PRPF8: variants seen among roughly 807,000 people sequenced by gnomAD.
PRPF8 encodes the protein pre-mRNA-processing-splicing factor 8.
A neutral mutation model predicts 285.9 loss-of-function variants in PRPF8; 64 were observed. That is an observed-to-expected ratio of 0.22 (90% confidence interval 0.18 to 0.28). PRPF8 has a LOEUF of 0.28. Ranked by LOEUF, PRPF8 falls within the 10% of genes least tolerant of loss-of-function variation. PRPF8 has a pLI of 1.00. For synonymous variants in PRPF8, 1,325 were observed against 1,118.2 expected (o/e 1.18, Z -3.69); for missense variants, 1,426 against 3,026.7 (o/e 0.47, Z 12.41).
At position 1,652,524 on chromosome 17, in the gene PRPF8, C is replaced by A. The variant is rs536606766; in HGVS notation, c.6370-736G>T. Among the ~76,000 whole-genome samples, 178 of 152,178 alleles carry A rather than the reference C, an allele frequency of 1.2e-3. 1 individual carries two copies. Among genetic ancestry groups the A allele is most frequent in the Non-Finnish European group, 4.9e-4 (33 of 68,016 alleles). On this transcript the variant is annotated intron_variant, in intron 39 of 42. Transcript: ENST00000304992. ...ATGATGTTTTATAAACTATAATATC[C>A]CTGATACACTAGTAAAGTTATGCAT...
intron 14 of PRPF8, 64 bp from the exon 15 acceptor site, chr17:1,677,236 C>T: frequency 1.4e-6 from 2 of 1,426,276 alleles, no homozygotes; most frequent in South Asian, 1.1e-5. Flanking sequence ...AGGGTCTCTA[C>T]CTTCATGCTC....
At position 1,678,894 on chromosome 17, in the gene PRPF8, C is replaced by T; in HGVS notation, c.1600-13G>A. On this transcript the variant is annotated splice_polypyrimidine_tract_variant and intron_variant, in intron 11 of 42. Coordinates refer to ENST00000304992, the MANE Select transcript of PRPF8 (RefSeq NM_006445.4). ...ATTTCTTTCTTTCCTGGAGAAGATG[C>T]AAAAAACAGACAGAACGTGAATGAG... The T allele has an allele frequency of 6.2e-7, 1 of 1,613,938 alleles. No homozygotes were observed. The highest frequency in any genetic ancestry group is 8.5e-7 in the Non-Finnish European group (1 of 1,179,994).
intron 39 of PRPF8, chr17:1,652,975 C>T (rs1911163932): frequency 5.6e-6 from 1 of 178,290 alleles, no homozygotes; most frequent in African/African-American, 2.4e-5. Flanking sequence ...GCTCTGTTGC[C>T]CAGGCTGGAG....
At position 1,682,394 on chromosome 17, in the gene PRPF8, T is replaced by C. The variant is rs373319352; in HGVS notation, c.270-101A>G. ...ATGTTCATGTTCCACAGTCCTACCT[T>C]ACAATCCAAACTCCCAAACTTAGCC... On this transcript the variant is annotated intron_variant, in intron 3 of 42. Coordinates refer to ENST00000304992, the MANE Select transcript of PRPF8 (RefSeq NM_006445.4). The C allele has an allele frequency of 3.4e-6, 5 of 1,467,684 alleles. No individual in the cohort carries two copies. The East Asian group carries it at 1.1e-4, about 33-fold the overall frequency. 90.9% of individuals were successfully genotyped at this position (1,467,684 alleles called of 1,614,324 possible).
intron 37 of PRPF8, chr17:1,654,221 G>A (rs576182705): frequency 3.4e-5 from 24 of 712,494 alleles, no homozygotes; most frequent in African/African-American, 1.6e-4. Flanking sequence ...AGCACACTGC[G>A]TGTGCACCTT....
chr17:1,654,205 CG>C (rs1894284060), intron 37 of PRPF8, 189 bp from the exon 38 acceptor site: 1 of 804,054 alleles, frequency 1.2e-6, no homozygotes, highest in Admixed American at 2.0e-5. Flanking sequence ...CAGATCCAAG[CG>C]GGACAGCACA....
chr17:1,656,278 TC>T (rs1365172553), intron 36 of PRPF8, 113 bp downstream of exon 36: 58 of 1,319,194 alleles, frequency 4.4e-5, no homozygotes, highest in Non-Finnish European at 5.6e-5. Flanking sequence ...TCAACAGAGT[TC>T]CCACCCAATC....
chr17:1,677,785 A>T, intron 13 of PRPF8, 91 bp from the exon 14 acceptor site: 9 of 1,492,484 alleles, frequency 6.0e-6, no homozygotes, highest in Non-Finnish European at 8.4e-6. Flanking sequence ...TATATGTATA[A>T]TATACATACA....
rs544664063 is a variant in PRPF8 at position 1,669,385 on chromosome 17, G to A, written c.3774+3696C>T. Among the ~76,000 whole-genome samples the A allele has an allele frequency of 1.1e-4, 17 of 152,318 alleles. No individual in the cohort carries two copies. The East Asian group carries it at 1.2e-3, about 10-fold the overall frequency. ...CTCCCAAAGTGCTGGGATTACGGGC[G>A]TGAGCCACTGTGTCCAGCCAATTCC... is the stretch of plus-strand genomic sequence containing the variant. On this transcript the variant is annotated intron_variant, in intron 24 of 42. Transcript: ENST00000304992.
rs751181746 is a variant in PRPF8 at position 1,678,820 on chromosome 17, G to C, written c.1661C>G (p.Thr554Ser). ...CACGTGACTATCCACCACCAGCTTA[G>C]TCAAACGCAGAACTTCCCGACACAG... ...FHLCREVLRL[T>S]KLVVDSHVQY... The change falls in exon 12 of 43, where the codon ACT becomes AGT. Residue 554 changes from threonine to serine, a missense_variant. Thr to Ser is a moderately conservative substitution (Grantham distance 58). Transcript: ENST00000304992. 1 of 1,614,154 alleles carries C rather than the reference G, an allele frequency of 6.2e-7. No individual in the cohort carries two copies. Among genetic ancestry groups the C allele is most frequent in the Non-Finnish European group, 8.5e-7 (1 of 1,180,042 alleles).
intron 39 of PRPF8, among the ~76,000 whole-genome samples, chr17:1,652,463 T>C (rs1188802482): frequency 6.6e-6 from 1 of 152,220 alleles, no homozygotes; most frequent in Non-Finnish European, 1.5e-5. Flanking sequence ...GGTCTTGAAC[T>C]CCTGACCTCA....
rs745523335 is a variant in PRPF8 at position 1,675,305 on chromosome 17, A to G, written c.2907T>C (p.Ser969=). Residue 969 remains serine (S), a synonymous_variant, in exon 20 of 43, where the codon AGT becomes AGC. Coordinates refer to ENST00000304992, the MANE Select transcript of PRPF8 (RefSeq NM_006445.4). This position sits in a 1 kb window ranked among gnomAD's most constrained non-coding sequence, Gnocchi z 6.0. ...CCAGCATGACATTGCACTCGCCTTC[A>G]CTCGTCTCCCACACGTCCTGCAGGT... The part of the protein sequence containing the change: ...INNLQDVWET[S]EGECNVMLES... 3.1e-6 allele frequency: 5 copies of G among 1,614,014 alleles called. No homozygotes were observed. The Admixed American group carries it at 6.7e-5, about 22-fold the overall frequency.
chr17:1,661,893 AACCAGGCTGT>A lies in PRPF8; in HGVS notation c.4022+3_4022+12del. On this transcript the variant is annotated splice_donor_5th_base_variant and intron_variant, in intron 25 of 42. Coordinates refer to ENST00000304992, the MANE Select transcript of PRPF8 (RefSeq NM_006445.4). The surrounding 1 kb of genome is among the most constrained non-coding windows in gnomAD (Gnocchi z 7.3). ...AGCAATAGGGTTTAGAAATACGTTG[AACCAGGCTGT>A]ACCTGAGGTCGGATTGGGGGATGAG... 1 of 1,614,230 alleles carries A rather than the reference AACCAGGCTGT, an allele frequency of 6.2e-7. No homozygotes were observed.
chr17:1,661,875 G>T lies in PRPF8; in HGVS notation c.4022+31C>A. 6.2e-7 allele frequency: 1 copy of T among 1,614,174 alleles called. No homozygotes were observed. Among genetic ancestry groups the T allele is most frequent in the South Asian group, 1.1e-5 (1 of 91,084 alleles). ...CACTTCCCTTAGGGCCTGAGCAATA[G>T]GGTTTAGAAATACGTTGAACCAGGC... On this transcript the variant is annotated intron_variant, in intron 25 of 42. Coordinates refer to ENST00000304992, the MANE Select transcript of PRPF8 (RefSeq NM_006445.4). This position sits in a 1 kb window ranked among gnomAD's most constrained non-coding sequence, Gnocchi z 7.3.
Position 1,679,845 on chromosome 17 carries a change from C to T in PRPF8, c.1099-46G>A, listed in dbSNP as rs1353430923. ...AGGGTTTAGCTCCTGCTGAACTAGG[C>T]ACAGACTTAAGATGAGGGAAATTCT... On this transcript the variant is annotated intron_variant, in intron 8 of 42. Coordinates refer to ENST00000304992, the MANE Select transcript of PRPF8 (RefSeq NM_006445.4). The surrounding 1 kb of genome is among the most constrained non-coding windows in gnomAD (Gnocchi z 4.7). 1 of 1,601,780 alleles carries T rather than the reference C, an allele frequency of 6.2e-7. No homozygotes were observed. The highest frequency in any genetic ancestry group is 8.6e-7 in the Non-Finnish European group (1 of 1,168,678).
chr17:1,682,062 C>T, intron 4 of PRPF8, 24 bp from the exon 5 acceptor site: 2 of 1,613,772 alleles, frequency 1.2e-6, no homozygotes, highest in African/African-American at 1.3e-5. Flanking sequence ...CATCACACAA[C>T]CATTTCTACC....
chr17:1,659,609 C>T lies in PRPF8; in HGVS notation c.4947-61G>A. On this transcript the variant is annotated intron_variant, in intron 31 of 42. Transcript: ENST00000304992. This position sits in a 1 kb window ranked among gnomAD's most constrained non-coding sequence, Gnocchi z 5.1. ...ATGGGCATAACCAATGTCCCCAGAACCAGAACCACTTAAATCCCAAAACCA... is the reference window on the plus strand; with the variant it reads ...ATGGGCATAACCAATGTCCCCAGAATCAGAACCACTTAAATCCCAAAACCA... The T allele has an allele frequency of 6.3e-7, 1 of 1,593,714 alleles. No individual in the cohort carries two copies. The highest frequency in any genetic ancestry group is 1.3e-5 in the African/African-American group (1 of 74,644).
rs1163970897 is a variant in PRPF8, at chr17:1,676,619, T to C, written c.2274A>G (p.Arg758=). 1 of 1,614,204 alleles carries C rather than the reference T, an allele frequency of 6.2e-7. No individual in the cohort carries two copies. Among genetic ancestry groups the C allele is most frequent in the Admixed American group, 1.7e-5 (1 of 60,036 alleles). Residue 758 remains arginine, a synonymous_variant, in exon 16 of 43, where the codon CGA becomes CGG. Coordinates refer to ENST00000304992, the MANE Select transcript of PRPF8 (RefSeq NM_006445.4). The surrounding 1 kb of genome is among the most constrained non-coding windows in gnomAD (Gnocchi z 6.3). The part of the protein sequence containing the change: ...DWWTNTAHYN[R]ERIRRGATVD... ...CAGTGGCCCCTCGGCGGATCCGTTC[T>C]CGGTTGTAGTGGGCAGTGTTGGTCC...
At chr17:1,666,298 C>T (rs1015361503) in intron 24 of PRPF8, among the ~76,000 whole-genome samples, 1 of 152,016 alleles carries the variant, frequency 6.6e-6, no homozygotes, top group Non-Finnish European at 1.5e-5. Context: ...ACCTACAATC[C>T]CAGCACTTTG....
Sources: allele counts gnomAD v4.1 joint callset (sites outside exome capture counted in the v4.1 genomes callset), GRCh38; gene constraint gnomAD v4.1.1; non-coding constraint Gnocchi (gnomAD v3.1); transcripts MANE v1.5; gene names NCBI Gene and HGNC (gene_info 2026-07-23, HGNC 2026-07-21).